Variants in ANXA11 observed in about 807,000 individuals in gnomAD.
ANXA11 encodes annexin A11.
A neutral mutation model predicts 64.7 loss-of-function variants in ANXA11; 57 were observed. The observed-to-expected ratio is 0.88, with a 90% CI of 0.71 to 1.10. ANXA11 has a LOEUF of 1.10. Ranked by LOEUF, ANXA11 falls within the 50% of genes least tolerant of loss-of-function variation. The pLI is 0.00. For synonymous variants in ANXA11, 260 were observed against 265.2 expected (o/e 0.98, Z 0.19); for missense variants, 675 against 670.7 (o/e 1.01, Z -0.07).
chr10:80,188,511 A>ATATATATATATAG (rs1554834982), intron 1 of ANXA11, among the ~76,000 whole-genome samples: 1 of 126,504 alleles, frequency 7.9e-6, no homozygotes, highest in Admixed American at 7.6e-5. Flanking sequence ...ATATATATAT[A>ATATATATATATAG]GCACTACAAC....
At chr10:80,198,774 G>A (rs1840282582) in intron 1 of ANXA11, among the ~76,000 whole-genome samples, 1 of 149,128 alleles carries the variant, frequency 6.7e-6, no homozygotes, top group Non-Finnish European at 1.5e-5. Flanking sequence ...AGAGAGAGAC[G>A]GGGCTCCTCT....
chr10:80,192,569 A>C (rs1214792916), intron 1 of ANXA11, among the ~76,000 whole-genome samples: 1 of 152,246 alleles, frequency 6.6e-6, no homozygotes, highest in African/African-American at 2.4e-5. Flanking sequence ...ATATCCACAA[A>C]GCAAAAAGAT....
rs564945650 is a variant in ANXA11, at chr10:80,196,476, G to A, written c.-58+8867C>T. On this transcript the variant is annotated intron_variant, in intron 1 of 15. Transcript: ENST00000422982. ...CACCTGTTTCGGTAGCCTCTATTAC[G>A]TAGGCCCCAGGAATTCTGGGGGCAG... Among the ~76,000 whole-genome samples the A allele has an allele frequency of 2.2e-3, 341 of 152,250 alleles. 2 individuals carry two copies. Among genetic ancestry groups the A allele is most frequent in the Non-Finnish European group, 3.4e-3 (230 of 68,022 alleles).
At position 80,157,994 on chromosome 10, in the gene ANXA11, A is replaced by G; in HGVS notation, c.1308T>C (p.Phe436=). The change falls in exon 14 of 16, where the codon TTT becomes TTC. Residue 436 remains phenylalanine (F), a synonymous_variant. Coordinates refer to ENST00000422982, the MANE Select transcript of ANXA11 (RefSeq NM_145868.2). The stretch of plus-strand genomic sequence containing the variant: ...TCATGGCCTTGTTGAGCCTCTCCGC[A>G]AAGAAGGCTGGGGTATTCTTGAGAC... ...VKCLKNTPAF[F]AERLNKAMRG... 6.2e-7 allele frequency: 1 copy of G among 1,614,130 alleles called. No individual in the cohort carries two copies. The highest frequency in any genetic ancestry group is 8.5e-7 in the Non-Finnish European group (1 of 1,179,996).
intron 5 of ANXA11, 51 bp downstream of exon 5, chr10:80,168,918 A>G: frequency 6.9e-7 from 1 of 1,457,202 alleles, no homozygotes; most frequent in Non-Finnish European, 9.0e-7. Context: ...ATGTGTCTCC[A>G]GCCTTTGGGG....
chr10:80,204,091 G>A (rs1840566400), intron 1 of ANXA11, among the ~76,000 whole-genome samples: 1 of 152,216 alleles, frequency 6.6e-6, no homozygotes, highest in African/African-American at 2.4e-5. Flanking sequence ...AATCTCACAA[G>A]CCTGTGAGGC....
At chr10:80,173,099 G>A (rs528889712) in intron 2 of ANXA11, 10 of 510,594 alleles carry the variant, frequency 2.0e-5, no homozygotes, top group African/African-American at 9.9e-5. Context: ...CCACACCCCC[G>A]GCCCCACCCA....
In ANXA11 at chr10:80,152,318, T is replaced by C. The variant is rs1476135168; in HGVS notation, c.*3535A>G. Reference sequence around the variant, plus strand: ...TCCTAAGCATAATAAACAGTGTTGATCCCAACCTCCCACTGACCTTGGAAG... The same window carrying C: ...TCCTAAGCATAATAAACAGTGTTGACCCCAACCTCCCACTGACCTTGGAAG... On this transcript the variant is annotated 3_prime_UTR_variant, in exon 16 of 16. Transcript: ENST00000422982. The C allele has an allele frequency of 1.3e-5, 2 of 152,216 alleles. No homozygotes were observed. The highest frequency in any genetic ancestry group is 4.8e-5 in the African/African-American group (2 of 41,452). 9.4% of individuals were successfully genotyped at this position (152,216 alleles called of 1,614,324 possible). A position where few individuals can be genotyped will look rare whatever the true frequency, so the allele number is the denominator to read the frequency against.
chr10:80,183,186 G>A (rs966969056), intron 1 of ANXA11, among the ~76,000 whole-genome samples: 13 of 152,212 alleles, frequency 8.5e-5, no homozygotes, highest in African/African-American at 3.1e-4. Context: ...CACCAGGCTA[G>A]AGCAAGGTGC....
chr10:80,170,386 C>G (rs1845923652), intron 4 of ANXA11, among the ~76,000 whole-genome samples: 1 of 152,102 alleles, frequency 6.6e-6, no homozygotes, highest in Admixed American at 6.5e-5. Flanking sequence ...GCATGTCTGC[C>G]CAAGATACCT....
At chr10:80,177,189 A>G (rs1182717779) in intron 1 of ANXA11, among the ~76,000 whole-genome samples, 1 of 151,974 alleles carries the variant, frequency 6.6e-6, no homozygotes. Flanking sequence ...GAGTTTCACT[A>G]TGTTGGCCAG....
At position 80,170,841 on chromosome 10, in the gene ANXA11, T is replaced by C. The variant is rs539258237; in HGVS notation, c.130A>G (p.Thr44Ala). The C allele has an allele frequency of 5.3e-6, 8 of 1,515,178 alleles. No homozygotes were observed. In the Admixed American group the frequency reaches 1.2e-4, roughly 22 times the overall value. The allele number at this position is 1,515,178 out of a possible 1,614,324, so 93.9% of individuals were successfully genotyped here. The change falls in exon 4 of 16, where the codon ACC becomes GCC. Residue 44 changes from threonine to alanine, a missense_variant. Physicochemically the swap from Thr to Ala is moderately conservative, Grantham distance 58. Coordinates refer to ENST00000422982, the MANE Select transcript of ANXA11 (RefSeq NM_145868.2). ...MPPIGLDNVA[T>A]YAGQFNQDYL... ...TCCTGGTTGAACTGCCCCGCATAGG[T>C]GGCCACGTTATCCAGCCCGATGGGG... is the stretch of plus-strand genomic sequence containing the variant.
intron 12 of ANXA11, 86 bp downstream of exon 12, chr10:80,161,849 A>C (rs1845520946): frequency 8.2e-7 from 1 of 1,217,256 alleles, no homozygotes; most frequent in Non-Finnish European, 1.2e-6. Context: ...GGGAGGAACG[A>C]CCAAGTGTTC....
intron 3 of ANXA11, 57 bp from the exon 4 acceptor site, chr10:80,170,972 G>T: frequency 6.5e-7 from 1 of 1,544,820 alleles, no homozygotes. Flanking sequence ...CACGGGGAAA[G>T]GCAGAGATGA....
At chr10:80,183,886 G>A (rs1433729447) in intron 1 of ANXA11, among the ~76,000 whole-genome samples, 1 of 152,182 alleles carries the variant, frequency 6.6e-6, no homozygotes, top group Non-Finnish European at 1.5e-5. Flanking sequence ...CCCAAGCTCT[G>A]CCCCACACAC....
At chr10:80,178,074 G>A (rs1025668783) in intron 1 of ANXA11, among the ~76,000 whole-genome samples, 1 of 152,174 alleles carries the variant, frequency 6.6e-6, no homozygotes, top group African/African-American at 2.4e-5. Context: ...CCTTGGAGAA[G>A]TCGTTCCTGG....
At chr10:80,191,156 T>A (rs1450198388) in intron 1 of ANXA11, among the ~76,000 whole-genome samples, 1 of 151,290 alleles carries the variant, frequency 6.6e-6, no homozygotes, top group Non-Finnish European at 1.5e-5. Context: ...ACCCGGGAGG[T>A]GGAGGCTGCA....
In ANXA11 at chr10:80,151,553, A is replaced by G. The variant is rs1836133863; in HGVS notation, c.*4300T>C. ...GAAAGAGCCTACAGCAGAAATAAGG[A>G]GCCAGGTCCTAAGGTAGGGCTGTAA... On this transcript the variant is annotated 3_prime_UTR_variant, in exon 16 of 16. Transcript: ENST00000422982. The G allele has an allele frequency of 6.6e-6, 1 of 152,194 alleles. No individual in the cohort carries two copies. Among genetic ancestry groups the G allele is most frequent in the African/African-American group, 2.4e-5 (1 of 41,434 alleles). 9.4% of individuals were successfully genotyped at this position (152,194 alleles called of 1,614,324 possible).
rs570255923 is a variant in ANXA11, at chr10:80,190,774, C to T, written c.-58+14569G>A. On this transcript the variant is annotated intron_variant, in intron 1 of 15. Coordinates refer to ENST00000422982, the MANE Select transcript of ANXA11 (RefSeq NM_145868.2). ...TGCTGGGGTTACAGGCGTGAGCCAC[C>T]ACGCCTGGCCAAAAAATTTTTAAAG... Among the ~76,000 whole-genome samples, 1,323 of 148,418 alleles carry T rather than the reference C, an allele frequency of 8.9e-3. 20 individuals are homozygous for T. Among genetic ancestry groups the T allele is most frequent in the African/African-American group, 0.031 (1,258 of 40,976 alleles).
Sources: gnomAD v4.1 joint callset for allele counts (sites outside exome capture counted in the v4.1 genomes callset) on GRCh38, gnomAD v4.1.1 for gene constraint, MANE v1.5 for transcripts, NCBI Gene and HGNC (gene_info 2026-07-23, HGNC 2026-07-21) for gene names.